GRID1: variants seen among roughly 807,000 people sequenced by gnomAD.
GRID1 encodes glutamate receptor ionotropic, delta-1.
In GRID1, 28 loss-of-function variants were observed where a neutral mutation model predicts 98.0. The observed-to-expected ratio is 0.29, with a 90% CI of 0.21 to 0.39. The LOEUF is 0.39. Ranked by LOEUF, GRID1 falls within the 10% of genes least tolerant of loss-of-function variation. The pLI is 1.00. For missense variants in GRID1, 1,111 were observed against 1,340.5 expected (o/e 0.83, Z 2.67); for synonymous variants, 553 against 538.5 (o/e 1.03, Z -0.37).
chr10:86,101,346 A>T (rs1483179467), intron 4 of GRID1, among the ~76,000 whole-genome samples: 1 of 152,234 alleles, frequency 6.6e-6, no homozygotes, highest in Non-Finnish European at 1.5e-5. Flanking sequence ...AGTTTTATAA[A>T]CTTAGACAGT....
chr10:86,127,059 T>C (rs1844763901), intron 4 of GRID1, among the ~76,000 whole-genome samples: 1 of 152,224 alleles, frequency 6.6e-6, no homozygotes, highest in Non-Finnish European at 1.5e-5. Flanking sequence ...TGTGGTAGCC[T>C]GGATGGGATG....
chr10:85,893,156 C>CA lies in GRID1; in HGVS notation c.780+23029dup, dbSNP rs985105453. On this transcript the variant is annotated intron_variant, in intron 5 of 15. Transcript: ENST00000327946. Reference sequence around the variant, plus strand: ...AAACGTGATTATCTCAATAGATGCACAAAAAATATTTGGCAAAATTCAAGA... The same window carrying CA: ...AAACGTGATTATCTCAATAGATGCACAAAAAAATATTTGGCAAAATTCAAGA... Among the ~76,000 whole-genome samples the CA allele has an allele frequency of 8.9e-4, 134 of 150,744 alleles. 1 individual carries two copies. Among genetic ancestry groups the CA allele is most frequent in the African/African-American group, 3.2e-3 (129 of 40,244 alleles).
At chr10:86,026,884 A>G (rs961961599) in intron 4 of GRID1, among the ~76,000 whole-genome samples, 2 of 152,212 alleles carry the variant, frequency 1.3e-5, no homozygotes, top group African/African-American at 4.8e-5. Flanking sequence ...AATGCATGAC[A>G]TGCTCTCAGC....
At chr10:85,905,673 G>C (rs1376636916) in intron 5 of GRID1, among the ~76,000 whole-genome samples, 1 of 152,074 alleles carries the variant, frequency 6.6e-6, no homozygotes, top group African/African-American at 2.4e-5. Flanking sequence ...ATGTGGTGTA[G>C]TATAATATCA....
At chr10:86,363,802 C>T in intron 2 of GRID1, 139 bp downstream of exon 2, 1 of 702,442 alleles carries the variant, frequency 1.4e-6, no homozygotes, top group Non-Finnish European at 2.3e-6. Context: ...GGAAGGCGCG[C>T]CACCGCGCAT....
intron 8 of GRID1, among the ~76,000 whole-genome samples, chr10:85,829,997 C>A (rs541932939): frequency 1.3e-5 from 2 of 152,218 alleles, no homozygotes; most frequent in East Asian, 1.9e-4. Context: ...GCCCAAATAA[C>A]CAAAGCAATC....
At chr10:85,868,303 A>G (rs999535275) in intron 6 of GRID1, among the ~76,000 whole-genome samples, 1 of 152,066 alleles carries the variant, frequency 6.6e-6, no homozygotes, top group African/African-American at 2.4e-5. Flanking sequence ...GCCAGTGGGT[A>G]CTCTCCACAC....
At chr10:85,829,433 A>G (rs998210145) in intron 8 of GRID1, among the ~76,000 whole-genome samples, 6 of 152,166 alleles carry the variant, frequency 3.9e-5, no homozygotes, top group Admixed American at 3.3e-4. Flanking sequence ...TCAACACAGT[A>G]TTGGAAATCC....
intron 2 of GRID1, among the ~76,000 whole-genome samples, chr10:86,336,832 G>A (rs1256894494): frequency 6.7e-6 from 1 of 148,616 alleles, no homozygotes; most frequent in Non-Finnish European, 1.5e-5. Context: ...GAGCCCTGCT[G>A]ACTGCCTGGC....
chr10:86,020,316 C>T (rs1011759484), intron 4 of GRID1, among the ~76,000 whole-genome samples: 5 of 152,188 alleles, frequency 3.3e-5, no homozygotes, highest in African/African-American at 4.8e-5. Flanking sequence ...GAAGCAGAGC[C>T]GGCTGCCTAG....
At chr10:86,263,729 C>G (rs1038461636) in intron 2 of GRID1, among the ~76,000 whole-genome samples, 2 of 152,212 alleles carry the variant, frequency 1.3e-5, no homozygotes, top group African/African-American at 4.8e-5. Flanking sequence ...TGGTACATAT[C>G]AAGTGCTCAA....
chr10:85,612,159 G>A (rs905770757), intron 15 of GRID1, among the ~76,000 whole-genome samples: 1 of 152,100 alleles, frequency 6.6e-6, no homozygotes, highest in Non-Finnish European at 1.5e-5. Flanking sequence ...AGCGAGGGAC[G>A]CCCACCCCTG....
At chr10:85,760,744 G>C (rs1842139616) in intron 8 of GRID1, among the ~76,000 whole-genome samples, 1 of 152,096 alleles carries the variant, frequency 6.6e-6, no homozygotes, top group Non-Finnish European at 1.5e-5. Flanking sequence ...TCTTCCCTAA[G>C]GGCTCCAGAA....
intron 13 of GRID1, among the ~76,000 whole-genome samples, chr10:85,634,815 T>C (rs745994445): frequency 5.9e-5 from 9 of 152,040 alleles, no homozygotes; most frequent in Non-Finnish European, 1.0e-4. Flanking sequence ...AATTTCTTCT[T>C]GATTTTAATG....
At chr10:85,646,436 T>A (rs1246306215) in intron 13 of GRID1, 1 of 152,436 alleles carries the variant, frequency 6.6e-6, no homozygotes, top group African/African-American at 2.4e-5. Flanking sequence ...GCTCTACAGC[T>A]GCACGTGTTG....
At chr10:86,106,840 C>G (rs532970996) in intron 4 of GRID1, among the ~76,000 whole-genome samples, 1 of 152,028 alleles carries the variant, frequency 6.6e-6, no homozygotes, top group South Asian at 2.1e-4. Context: ...TTGGAGGTGG[C>G]GGCTAAGATG....
intron 8 of GRID1, among the ~76,000 whole-genome samples, chr10:85,748,442 T>C (rs146002397): frequency 6.9e-4 from 105 of 152,236 alleles, no homozygotes; most frequent in African/African-American, 2.3e-3. Context: ...ATCATATGGG[T>C]AAAAGAGGGT....
intron 4 of GRID1, among the ~76,000 whole-genome samples, chr10:85,930,285 TTATTTATAACTACAAATAACTTGC>T (rs1489029842): frequency 0.03 from 4,106 of 134,686 alleles, 88 homozygotes; most frequent in Middle Eastern, 0.052. Flanking sequence ...TAACTTGCGG[TTATTTATAACTACAAATAACTTGC>T]GGTTATTTAT....
chr10:86,343,728 T>C (rs2195198), intron 2 of GRID1, among the ~76,000 whole-genome samples: 145,397 of 152,316 alleles, frequency 0.95, 69,512 homozygotes, highest in East Asian at 1. Context: ...AATCCCCACA[T>C]CTCCCTAGTG....
Sources: gnomAD v4.1 joint callset for allele counts (sites outside exome capture counted in the v4.1 genomes callset) on GRCh38, gnomAD v4.1.1 for gene constraint, MANE v1.5 for transcripts, NCBI Gene and HGNC (gene_info 2026-07-23, HGNC 2026-07-21) for gene names.